The following KIAA1217 variants were observed in gnomAD, a reference collection of about 807,000 sequenced individuals.
KIAA1217 encodes the protein KIAA1217.
A neutral mutation model predicts 163.9 loss-of-function variants in KIAA1217; 88 were observed. That is an observed-to-expected ratio of 0.54 (90% CI 0.45 to 0.64). The LOEUF (loss-of-function observed/expected upper bound fraction) is 0.64, where lower values mean the gene tolerates loss of function less well. Ranked by LOEUF, KIAA1217 falls within the 30% of genes least tolerant of loss-of-function variation. The probability of loss-of-function intolerance (pLI) is 0.00; values close to 1 mark genes in which losing one functional copy is unlikely to be tolerated. For missense variants in KIAA1217, 2,372 were observed against 2,475.0 expected (o/e 0.96, Z 0.88); for synonymous variants, 903 against 923.1 (o/e 0.98, Z 0.39).
At chr10:24,434,839 C>T (rs538088957) in intron 4 of KIAA1217, among the ~76,000 whole-genome samples, 10 of 152,318 alleles carry the variant, frequency 6.6e-5, no homozygotes, top group South Asian at 2.1e-4. Context: ...GAAACTCAGA[C>T]GCATAAAATT....
intron 1 of KIAA1217, among the ~76,000 whole-genome samples, chr10:23,790,161 A>G (rs1277787280): frequency 1.6e-5 from 1 of 62,578 alleles, no homozygotes; most frequent in Non-Finnish European, 2.8e-5. Context: ...ATATGCATAT[A>G]CACATATACA....
chr10:23,848,786 C>T (rs1401786031), intron 1 of KIAA1217, among the ~76,000 whole-genome samples: 1 of 152,078 alleles, frequency 6.6e-6, no homozygotes, highest in African/African-American at 2.4e-5. Context: ...TGGAGAGTCA[C>T]ATGGCTCCAC....
At position 23,814,534 on chromosome 10, in the gene KIAA1217, C is replaced by T. The variant is rs79564534; in HGVS notation, c.-321+119300C>T. Among the ~76,000 whole-genome samples the T allele has an allele frequency of 3.7e-3, 561 of 152,302 alleles. 6 individuals carry two copies. The highest frequency in any genetic ancestry group is 0.013 in the African/African-American group (528 of 41,570). On this transcript the variant is annotated intron_variant, in intron 1 of 18. Coordinates refer to the KIAA1217 transcript ENST00000376462. ...CAGCAAGCATTGGGGATGACCCAAACAAGCACTCAACATAAGTATTAAATG... is the reference window on the plus strand; with the variant it reads ...CAGCAAGCATTGGGGATGACCCAAATAAGCACTCAACATAAGTATTAAATG...
Position 24,082,230 on chromosome 10 carries a change from AT to A in KIAA1217, c.-171+74865del, listed in dbSNP as rs112875264. 2.8e-3 allele frequency among the ~76,000 whole-genome samples: 425 copies of A among 150,494 alleles called. 1 individual carries two copies. Among genetic ancestry groups the A allele is most frequent in the African/African-American group, 9.9e-3 (406 of 40,930 alleles). ...TTTGTTCTCATTGTTTTTGGACATC[AT>A]TTTTTTTTCTTTATTTTTATTTTTT... On this transcript the variant is annotated intron_variant, in intron 2 of 18. Coordinates refer to the KIAA1217 transcript ENST00000376462.
intron 1 of KIAA1217, among the ~76,000 whole-genome samples, chr10:23,852,824 G>A (rs372993410): frequency 2.0e-5 from 3 of 151,986 alleles, no homozygotes; most frequent in Non-Finnish European, 4.4e-5. Flanking sequence ...TTTGTCTGTT[G>A]CTGGTGTATA....
chr10:23,696,049 G>A (rs1444171892), intron 1 of KIAA1217, among the ~76,000 whole-genome samples: 3 of 152,144 alleles, frequency 2.0e-5, no homozygotes, highest in African/African-American at 7.2e-5. Context: ...GAGGGCGGGC[G>A]AGACCCTGTC....
intron 8 of KIAA1217, among the ~76,000 whole-genome samples, chr10:24,499,781 C>T (rs1220272542): frequency 6.6e-6 from 1 of 152,084 alleles, no homozygotes; most frequent in Non-Finnish European, 1.5e-5. Flanking sequence ...TATCGGGTCT[C>T]CTGGAGCTCC....
At position 24,158,084 on chromosome 10, in the gene KIAA1217, AG is replaced by A. The variant is rs2064959051; in HGVS notation, c.-170-61541del. On this transcript the variant is annotated intron_variant, in intron 2 of 18. Coordinates refer to the KIAA1217 transcript ENST00000376462. The stretch of plus-strand genomic sequence containing the variant: ...AGTTTTACTAGCTCATAAAGATAAA[AG>A]TGGCGCTCCACAAGTTAGAAGTATA... 5.3e-6 allele frequency: 4 copies of A among 755,838 alleles called. No individual in the cohort carries two copies. The East Asian group carries it at 9.8e-5, about 19-fold the overall frequency. 46.8% of individuals were successfully genotyped at this position (755,838 alleles called of 1,614,324 possible).
At position 24,149,354 on chromosome 10, in the gene KIAA1217, T is replaced by C. The variant is rs538661213; in HGVS notation, c.-170-70272T>C. ...GCCACCATGCCCGACTAATTTTTTT[T>C]TGTACTTTTAGTAGAGACGAGTTTC... On this transcript the variant is annotated intron_variant, in intron 2 of 18. Transcript: ENST00000376462. Among the ~76,000 whole-genome samples the C allele has an allele frequency of 2.6e-3, 390 of 152,146 alleles. 3 individuals carry two copies. The highest frequency in any genetic ancestry group is 2.8e-3 in the Non-Finnish European group (189 of 68,014).
intron 1 of KIAA1217, among the ~76,000 whole-genome samples, chr10:23,953,706 AG>A (rs1255696051): frequency 1.3e-5 from 2 of 152,274 alleles, no homozygotes; most frequent in East Asian, 3.8e-4. Flanking sequence ...ACATAAAATG[AG>A]ATAATGTACA....
At chr10:24,241,565 G>A (rs2073106602) in intron 2 of KIAA1217, among the ~76,000 whole-genome samples, 1 of 151,998 alleles carries the variant, frequency 6.6e-6, no homozygotes, top group Non-Finnish European at 1.5e-5. Context: ...AGGTATTTTC[G>A]GAGTGAGAAC....
rs114652713 is a variant in KIAA1217 at position 23,712,157 on chromosome 10, C to G, written c.-321+16923C>G. Among the ~76,000 whole-genome samples, 1,221 of 152,148 alleles carry G rather than the reference C, an allele frequency of 8.0e-3. 21 individuals carry two copies. The highest frequency in any genetic ancestry group is 0.028 in the African/African-American group (1,162 of 41,498). On this transcript the variant is annotated intron_variant, in intron 1 of 18. Transcript: ENST00000376462. The stretch of plus-strand genomic sequence containing the variant: ...TCAAGGGCCAAACTGTACAGGGTAT[C>G]AAAATACCTGGCACAGAGGTGAAGA...
Position 23,800,213 on chromosome 10 carries a change from TGAA to T in KIAA1217, c.-321+104980_-321+104982del, listed in dbSNP as rs1256464364. On this transcript the variant is annotated intron_variant, in intron 1 of 18. Coordinates refer to the KIAA1217 transcript ENST00000376462. ...AAATAAGACACTAATCCATACTGTA[TGAA>T]TTTGTTTCTCTGTTTATGTATATGA... Among the ~76,000 whole-genome samples, 4 of 152,318 alleles carry T rather than the reference TGAA, an allele frequency of 2.6e-5. No individual in the cohort carries two copies. The South Asian group carries it at 8.3e-4, about 32-fold the overall frequency.
At chr10:23,697,662 G>T (rs1272787302) in intron 1 of KIAA1217, among the ~76,000 whole-genome samples, 1 of 151,392 alleles carries the variant, frequency 6.6e-6, no homozygotes, top group African/African-American at 2.4e-5. Context: ...TTGAGCTCTG[G>T]AGTTTAAGAC....
intron 1 of KIAA1217, among the ~76,000 whole-genome samples, chr10:23,835,856 A>G (rs939274771): frequency 1.3e-5 from 2 of 151,856 alleles, no homozygotes; most frequent in Admixed American, 1.3e-4. Context: ...TTCATTTGCT[A>G]TATCTCCCTC....
intron 2 of KIAA1217, among the ~76,000 whole-genome samples, chr10:24,263,340 TG>T (rs983414475): frequency 6.6e-6 from 1 of 152,312 alleles, no homozygotes; most frequent in African/African-American, 2.4e-5. Flanking sequence ...GGTCGTTTCA[TG>T]GGGGCTGGGG....
intron 2 of KIAA1217, chr10:24,367,283 CAG>C (rs1591362130): frequency 5.2e-6 from 2 of 383,934 alleles, no homozygotes; most frequent in Non-Finnish European, 7.2e-6. Flanking sequence ...CCATTCTAAT[CAG>C]TGTCAGCCAC....
At chr10:23,739,737 G>A (rs1159858623) in intron 1 of KIAA1217, among the ~76,000 whole-genome samples, 1 of 152,196 alleles carries the variant, frequency 6.6e-6, no homozygotes, top group African/African-American at 2.4e-5. Flanking sequence ...GGCCAGAGTA[G>A]AGGCAGGGAG....
intron 2 of KIAA1217, among the ~76,000 whole-genome samples, chr10:24,254,118 T>C (rs1187686367): frequency 6.6e-6 from 1 of 152,306 alleles, no homozygotes; most frequent in Non-Finnish European, 1.5e-5. Flanking sequence ...CCATTAATTA[T>C]ATTGAAAGAT....
Sources: gnomAD v4.1 joint callset for allele counts (sites outside exome capture counted in the v4.1 genomes callset) on GRCh38, gnomAD v4.1.1 for gene constraint, MANE v1.5 for transcripts, NCBI Gene and HGNC (gene_info 2026-07-23, HGNC 2026-07-21) for gene names.